COL8A1: variants seen among roughly 807,000 people sequenced by gnomAD.
COL8A1 encodes the protein collagen type VIII alpha 1 chain.
COL8A1 carries 21 observed loss-of-function variants against 42.7 expected under a neutral mutation model. The observed-to-expected ratio is 0.49, with a 90% CI of 0.35 to 0.71. The LOEUF (loss-of-function observed/expected upper bound fraction) is 0.71, where lower values mean the gene tolerates loss of function less well. Among genes scored for constraint, COL8A1 ranks in the 30% least tolerant of loss-of-function variants. COL8A1 has a pLI of 0.01. For synonymous variants in COL8A1, 367 were observed against 369.1 expected (o/e 0.99, Z 0.06); for missense variants, 788 against 962.4 (o/e 0.82, Z 2.40).
chr3:99,754,082 C>T (rs1336722928), intron 2 of COL8A1, among the ~76,000 whole-genome samples: 1 of 152,180 alleles, frequency 6.6e-6, no homozygotes, highest in African/African-American at 2.4e-5. Context: ...TAAGTATACA[C>T]TGAATAAATA....
chr3:99,680,260 T>C (rs1312935925), intron 1 of COL8A1: 1 of 152,312 alleles, frequency 6.6e-6, no homozygotes, highest in African/African-American at 2.4e-5. Context: ...GTTTTCTGTC[T>C]TTGCGATAGT....
intron 2 of COL8A1, among the ~76,000 whole-genome samples, chr3:99,761,658 C>G (rs958407178): frequency 5.3e-5 from 8 of 152,038 alleles, no homozygotes; most frequent in Admixed American, 2.6e-4. Context: ...CACAAGTTTC[C>G]CCAGGAACAA....
intron 1 of COL8A1, among the ~76,000 whole-genome samples, chr3:99,664,187 A>G (rs1417863514): frequency 2.6e-5 from 4 of 152,168 alleles, no homozygotes; most frequent in Non-Finnish European, 5.9e-5. Context: ...GTCTTCCCTC[A>G]CTTGAATGGA....
chr3:99,717,786 G>T (rs1940041289), intron 1 of COL8A1, among the ~76,000 whole-genome samples: 1 of 151,834 alleles, frequency 6.6e-6, no homozygotes, highest in Non-Finnish European at 1.5e-5. Context: ...CCAAACTAGG[G>T]CTGTAGATAA....
chr3:99,639,133 A>T (rs1243753729), intron 1 of COL8A1, among the ~76,000 whole-genome samples: 2 of 152,060 alleles, frequency 1.3e-5, no homozygotes, highest in Non-Finnish European at 2.9e-5. Flanking sequence ...AGCTTCTGTG[A>T]GTCCTTTAAA....
chr3:99,795,984 G>A lies in COL8A1; in HGVS notation c.2083G>A (p.Gly695Ser), dbSNP rs899981606. The A allele has an allele frequency of 2.5e-6, 4 of 1,613,992 alleles. No homozygotes were observed. Among genetic ancestry groups the A allele is most frequent in the Middle Eastern group, 1.7e-4 (1 of 6,060 alleles). The change falls in exon 4 of 4, where the codon GGC becomes AGC. Residue 695 changes from glycine (G) to serine (S), a missense_variant. Gly to Ser is a moderately conservative substitution (Grantham distance 56). This residue lies in a region of COL8A1 where 212 missense variants were observed against 210.9 expected (regional missense o/e 1.00). Transcript: ENST00000652472. ...VMYTYDEYKK[G>S]FLDQASGSAV... ...GTACACGTACGACGAGTACAAAAAG[G>A]GCTTCCTGGACCAGGCATCTGGGAG... is the stretch of plus-strand genomic sequence containing the variant.
intron 1 of COL8A1, among the ~76,000 whole-genome samples, chr3:99,669,031 G>A (rs963440487): frequency 4.0e-5 from 6 of 150,962 alleles, no homozygotes; most frequent in Admixed American, 2.0e-4. Flanking sequence ...AATCCAAGGT[G>A]TTACTGAAGC....
At chr3:99,674,552 A>C (rs1319440664) in intron 1 of COL8A1, among the ~76,000 whole-genome samples, 1 of 151,962 alleles carries the variant, frequency 6.6e-6, no homozygotes, top group African/African-American at 2.4e-5. Context: ...TTGACTCTCT[A>C]TTCTGGCTAT....
chr3:99,685,776 T>C (rs1360396592), intron 1 of COL8A1, among the ~76,000 whole-genome samples: 1 of 152,230 alleles, frequency 6.6e-6, no homozygotes, highest in Non-Finnish European at 1.5e-5. Context: ...ATAGAGTAAG[T>C]TCTTAATAAG....
intron 1 of COL8A1, among the ~76,000 whole-genome samples, chr3:99,736,568 T>C (rs62283475): frequency 0.22 from 32,716 of 151,496 alleles, 4,127 homozygotes; most frequent in African/African-American, 0.34. Flanking sequence ...TCCTGAGTTC[T>C]AGTTTGATTG....
At chr3:99,718,529 G>A (rs903121968) in intron 1 of COL8A1, among the ~76,000 whole-genome samples, 5 of 152,030 alleles carry the variant, frequency 3.3e-5, no homozygotes, top group African/African-American at 1.2e-4. Flanking sequence ...CAGAAGATAG[G>A]CTACTTCTAA....
chr3:99,650,627 T>C lies in COL8A1; in HGVS notation c.-129+11963T>C, dbSNP rs541961065. Among the ~76,000 whole-genome samples the C allele has an allele frequency of 9.1e-4, 139 of 152,040 alleles. 1 individual carries two copies. Among genetic ancestry groups the C allele is most frequent in the South Asian group, 2.5e-3 (12 of 4,802 alleles). On this transcript the variant is annotated intron_variant, in intron 1 of 3. Transcript: ENST00000652472. ...TTTTTGTATTTTAATAGAGACAGGG[T>C]TTCACCATGTTGCCTAAGATAGTCT...
intron 2 of COL8A1, among the ~76,000 whole-genome samples, chr3:99,757,465 C>T (rs1399379298): frequency 6.6e-6 from 1 of 152,100 alleles, no homozygotes; most frequent in East Asian, 1.9e-4. Flanking sequence ...GGAGCACTGC[C>T]GACCTGAAAA....
intron 1 of COL8A1, among the ~76,000 whole-genome samples, chr3:99,681,356 G>A (rs1938876502): frequency 6.6e-6 from 1 of 152,126 alleles, no homozygotes. Flanking sequence ...CTTCTCAAAA[G>A]CAGACCTTAC....
At chr3:99,651,008 G>C (rs901957569) in intron 1 of COL8A1, among the ~76,000 whole-genome samples, 5 of 152,126 alleles carry the variant, frequency 3.3e-5, no homozygotes, top group African/African-American at 1.2e-4. Flanking sequence ...CAAGTGTTAT[G>C]TTATTTTAAA....
chr3:99,772,791 G>C (rs1257787528), intron 2 of COL8A1, among the ~76,000 whole-genome samples: 1 of 152,260 alleles, frequency 6.6e-6, no homozygotes, highest in East Asian at 1.9e-4. Flanking sequence ...GAACTCATAG[G>C]GAGTGTGTTT....
At chr3:99,655,143 G>C (rs144293081) in intron 1 of COL8A1, among the ~76,000 whole-genome samples, 224 of 152,246 alleles carry the variant, frequency 1.5e-3, no homozygotes, top group African/African-American at 5.0e-3. Flanking sequence ...GTATGGAAGA[G>C]AGGCCACTTT....
intron 1 of COL8A1, among the ~76,000 whole-genome samples, chr3:99,729,405 CT>C (rs754001309): frequency 9.2e-5 from 14 of 151,962 alleles, no homozygotes; most frequent in Non-Finnish European, 1.9e-4. Flanking sequence ...TTAGGTTTGG[CT>C]TCTTTGAACT....
chr3:99,725,750 T>A (rs1449627287), intron 1 of COL8A1, among the ~76,000 whole-genome samples: 1 of 152,068 alleles, frequency 6.6e-6, no homozygotes, highest in African/African-American at 2.4e-5. Flanking sequence ...GAACTCATCA[T>A]TTTTTATGGC....
Sources: allele counts gnomAD v4.1 joint callset (sites outside exome capture counted in the v4.1 genomes callset), GRCh38; gene constraint gnomAD v4.1.1; regional missense constraint gnomAD v4.1.1; transcripts MANE v1.5; gene names NCBI Gene and HGNC (gene_info 2026-07-23, HGNC 2026-07-21).